Variants in ARHGAP15 observed in about 807,000 individuals in gnomAD.
The protein encoded by ARHGAP15 is Rho GTPase activating protein 15.
Under a neutral mutation model 63.7 loss-of-function variants are expected in ARHGAP15, and 51 were observed. The ratio of observed to expected loss-of-function variants is 0.80; its 90% confidence interval spans 0.64 to 1.01. The LOEUF is 1.01. ARHGAP15 is among the 50% of genes least tolerant of loss of function. The pLI is 0.00. For synonymous variants in ARHGAP15, 191 were observed against 193.8 expected (o/e 0.99, Z 0.12); for missense variants, 560 against 564.6 (o/e 0.99, Z 0.08).
At position 143,419,608 on chromosome 2, in the gene ARHGAP15, C is replaced by T. The variant is rs139150933; in HGVS notation, c.475-15993C>T. On this transcript the variant is annotated intron_variant, in intron 6 of 13. Transcript: ENST00000295095. ...ATATGTTAAAAAAAATAATAAGATA[C>T]GATATTGTATATTTAATTTGACCTA... 1.5e-3 allele frequency among the ~76,000 whole-genome samples: 224 copies of T among 150,984 alleles called. 1 individual carries two copies. The highest frequency in any genetic ancestry group is 0.011 in the East Asian group (58 of 5,120).
intron 10 of ARHGAP15, among the ~76,000 whole-genome samples, chr2:143,525,296 T>C (rs984157054): frequency 6.7e-6 from 1 of 149,732 alleles, no homozygotes; most frequent in African/African-American, 2.5e-5. Flanking sequence ...GCTAGTTTTA[T>C]AAGCAGTGAG....
At chr2:143,766,203 T>G (rs1686941841) in intron 13 of ARHGAP15, among the ~76,000 whole-genome samples, 1 of 152,142 alleles carries the variant, frequency 6.6e-6, no homozygotes. Flanking sequence ...GTTTCAGTTA[T>G]CCAAAGTCAA....
At chr2:143,185,833 C>T (rs1235848307) in intron 2 of ARHGAP15, among the ~76,000 whole-genome samples, 2 of 151,978 alleles carry the variant, frequency 1.3e-5, no homozygotes, top group Non-Finnish European at 2.9e-5. Context: ...TTTTCTAACC[C>T]CCAAATTCAT....
At chr2:143,133,598 A>G (rs1393532881) in intron 1 of ARHGAP15, among the ~76,000 whole-genome samples, 1 of 152,182 alleles carries the variant, frequency 6.6e-6, no homozygotes, top group Non-Finnish European at 1.5e-5. Context: ...TATTCAAGTT[A>G]TGGTTATAAC....
chr2:143,402,282 T>C (rs1247484594), intron 6 of ARHGAP15, among the ~76,000 whole-genome samples: 2 of 151,876 alleles, frequency 1.3e-5, no homozygotes, highest in East Asian at 3.9e-4. Context: ...ATACGTTTAT[T>C]AAGCCCCAAC....
intron 12 of ARHGAP15, among the ~76,000 whole-genome samples, chr2:143,643,427 A>ACCCCCCCCCCC (rs10540732): frequency 1.6e-5 from 2 of 128,440 alleles, no homozygotes; most frequent in Non-Finnish European, 3.2e-5. Flanking sequence ...CCCTCCACCC[A>ACCCCCCCCCCC]CCCCCCCCCA....
intron 13 of ARHGAP15, among the ~76,000 whole-genome samples, chr2:143,731,315 CAATGGGGGTA>C (rs1685525515): frequency 6.6e-6 from 1 of 152,120 alleles, no homozygotes; most frequent in African/African-American, 2.4e-5. Flanking sequence ...TTCTGGTTTC[CAATGGGGGTA>C]ATTCCATCAC....
At chr2:143,217,811 A>C (rs561094866) in intron 4 of ARHGAP15, among the ~76,000 whole-genome samples, 1 of 152,242 alleles carries the variant, frequency 6.6e-6, no homozygotes, top group East Asian at 1.9e-4. Flanking sequence ...TTTCTTCAAA[A>C]TTATCTAAGT....
At position 143,218,366 on chromosome 2, in the gene ARHGAP15, T is replaced by A. The variant is rs1460836473; in HGVS notation, c.296+1921T>A. 2.0e-5 allele frequency among the ~76,000 whole-genome samples: 3 copies of A among 149,972 alleles called. No individual in the cohort carries two copies. The East Asian group carries it at 6.0e-4, about 30-fold the overall frequency. ...TGATTATATCCTTCGGTTTGTGGCC[T>A]TGTGCTATTATCATTCTGGGCAAGA... is the stretch of plus-strand genomic sequence containing the variant. On this transcript the variant is annotated intron_variant, in intron 4 of 13. Coordinates refer to ENST00000295095, the MANE Select transcript of ARHGAP15 (RefSeq NM_018460.4).
intron 11 of ARHGAP15, among the ~76,000 whole-genome samples, chr2:143,613,466 T>A (rs1185009731): frequency 6.6e-6 from 1 of 152,184 alleles, no homozygotes; most frequent in African/African-American, 2.4e-5. Context: ...TCCAATTAAC[T>A]GTAATTCCCT....
chr2:143,206,543 C>T (rs931515553), intron 3 of ARHGAP15, among the ~76,000 whole-genome samples: 3 of 151,964 alleles, frequency 2.0e-5, no homozygotes, highest in Admixed American at 1.3e-4. Flanking sequence ...TTAGATAGCC[C>T]TTCTTTGATC....
At chr2:143,751,740 C>A (rs1012993453) in intron 13 of ARHGAP15, among the ~76,000 whole-genome samples, 3 of 152,144 alleles carry the variant, frequency 2.0e-5, no homozygotes, top group African/African-American at 4.8e-5. Context: ...TCTTCTCAGA[C>A]AAGAATTTCT....
chr2:143,681,123 G>A (rs1452345265), intron 12 of ARHGAP15, among the ~76,000 whole-genome samples: 1 of 152,198 alleles, frequency 6.6e-6, no homozygotes, highest in Non-Finnish European at 1.5e-5. Flanking sequence ...ATGTGATGGA[G>A]CTGCACCAGT....
At chr2:143,572,653 G>A (rs1317825859) in intron 11 of ARHGAP15, among the ~76,000 whole-genome samples, 6 of 152,136 alleles carry the variant, frequency 3.9e-5, no homozygotes, top group Non-Finnish European at 8.8e-5. Context: ...CACTTAGACA[G>A]CTATAAAGCC....
chr2:143,673,923 G>A (rs1198290200), intron 12 of ARHGAP15, among the ~76,000 whole-genome samples: 1 of 150,536 alleles, frequency 6.6e-6, no homozygotes, highest in Non-Finnish European at 1.5e-5. Flanking sequence ...GTCACCAGTG[G>A]ATAAAAATTA....
At chr2:143,670,115 G>T in intron 12 of ARHGAP15, among the ~76,000 whole-genome samples, 1 of 152,156 alleles carries the variant, frequency 6.6e-6, no homozygotes, top group East Asian at 1.9e-4. Context: ...AGACAGAAGA[G>T]GCTTGAAAAC....
At chr2:143,505,557 A>G (rs1202148907) in intron 9 of ARHGAP15, among the ~76,000 whole-genome samples, 1 of 151,860 alleles carries the variant, frequency 6.6e-6, no homozygotes. Context: ...GCTCATAACT[A>G]CTCTCCAATT....
intron 6 of ARHGAP15, among the ~76,000 whole-genome samples, chr2:143,268,904 A>G (rs908999138): frequency 1.3e-5 from 2 of 152,170 alleles, no homozygotes; most frequent in Non-Finnish European, 1.5e-5. Context: ...AGTACAATGG[A>G]AAGGGAAAGA....
chr2:143,255,564 T>A (rs1312884279), intron 6 of ARHGAP15, among the ~76,000 whole-genome samples: 1 of 152,160 alleles, frequency 6.6e-6, no homozygotes, highest in Non-Finnish European at 1.5e-5. Context: ...TATCTTAAAA[T>A]GTTTAAGTAC....
Sources: allele counts gnomAD v4.1 joint callset (sites outside exome capture counted in the v4.1 genomes callset), GRCh38; gene constraint gnomAD v4.1.1; transcripts MANE v1.5; gene names NCBI Gene and HGNC (gene_info 2026-07-23, HGNC 2026-07-21).